Variants in CACNA1C observed in about 807,000 individuals in gnomAD.
The protein encoded by CACNA1C is calcium voltage-gated channel subunit alpha1 C, also known as voltage-dependent L-type calcium channel subunit alpha-1C.
Under a neutral mutation model 229.0 loss-of-function variants are expected in CACNA1C, and 30 were observed. That is an observed-to-expected ratio of 0.13 (90% CI 0.10 to 0.18). The LOEUF (loss-of-function observed/expected upper bound fraction) is 0.18, where lower values mean the gene tolerates loss of function less well. Ranked by LOEUF, CACNA1C falls within the 10% of genes least tolerant of loss-of-function variation. The pLI is 1.00. For missense variants in CACNA1C, 1,658 were observed against 2,845.0 expected (o/e 0.58, Z 9.49); for synonymous variants, 1,114 against 1,132.5 (o/e 0.98, Z 0.33).
intron 7 of CACNA1C, among the ~76,000 whole-genome samples, chr12:2,501,676 C>T (rs1372392419): frequency 6.6e-6 from 1 of 152,240 alleles, no homozygotes; most frequent in East Asian, 1.9e-4. Flanking sequence ...TCACCAATCC[C>T]ACCCATCCTG....
At position 2,403,356 on chromosome 12, in the gene CACNA1C, G is replaced by A. The variant is rs913131696; in HGVS notation, c.478-45620G>A. 1.3e-5 allele frequency among the ~76,000 whole-genome samples: 2 copies of A among 152,076 alleles called. No homozygotes were observed. The highest frequency in any genetic ancestry group is 2.9e-5 in the Non-Finnish European group (2 of 68,012). ...GACTTCCCCTCTTGTGTCAAGGTGC[G>A]CTGCAGAGGGATGGCGTTGGAGGCA... On this transcript the variant is annotated intron_variant, in intron 3 of 46. Transcript: ENST00000399655. This position sits in a 1 kb window ranked among gnomAD's most constrained non-coding sequence, Gnocchi z 4.1.
intron 3 of CACNA1C, among the ~76,000 whole-genome samples, chr12:2,302,432 G>A (rs751460644): frequency 2.0e-4 from 30 of 151,974 alleles, no homozygotes; most frequent in Non-Finnish European, 4.0e-4. Context: ...CAGCCGTAGC[G>A]TCAGTCCCTT....
Position 2,254,933 on chromosome 12 carries a change from GAA to G in CACNA1C, c.477+134504_477+134505del, listed in dbSNP as rs1382913540. On this transcript the variant is annotated intron_variant, in intron 3 of 46. Coordinates refer to ENST00000399655, the MANE Select transcript of CACNA1C (RefSeq NM_000719.7). ...GATTCATCCCGAAGGTCTTTTAAGT[GAA>G]GAGAGGCAAAGCTTAGCTTAGTATT... is the stretch of plus-strand genomic sequence containing the variant. Among the ~76,000 whole-genome samples the G allele has an allele frequency of 2.0e-5, 3 of 152,308 alleles. No individual in the cohort carries two copies. In the East Asian group the frequency reaches 5.8e-4, roughly 29 times the overall value.
chr12:2,061,207 A>G (rs1805784431), intron 1 of CACNA1C, among the ~76,000 whole-genome samples: 1 of 151,956 alleles, frequency 6.6e-6, no homozygotes, highest in African/African-American at 2.4e-5. Context: ...TGAGGATCCA[A>G]ATAGGAGAAT....
At chr12:2,558,394 G>A (rs1293664516) in intron 11 of CACNA1C, among the ~76,000 whole-genome samples, 1 of 152,176 alleles carries the variant, frequency 6.6e-6, no homozygotes, top group African/African-American at 2.4e-5. Context: ...CCCTCTACTT[G>A]CCTCCGGCCT....
intron 30 of CACNA1C, among the ~76,000 whole-genome samples, chr12:2,643,198 C>G (rs1166505322): frequency 6.6e-6 from 1 of 152,264 alleles, no homozygotes; most frequent in Non-Finnish European, 1.5e-5. Context: ...GGGCCCTCTC[C>G]TTCTAGCTGG....
In CACNA1C at chr12:2,467,659, G is replaced by A. The variant is rs2099566793; in HGVS notation, c.757+9953G>A. The stretch of plus-strand genomic sequence containing the variant: ...AGAAACAGAATTTAGAACAGGGTGG[G>A]TCCCACGCCCAGCCCCGCCCTGCCC... On this transcript the variant is annotated intron_variant, in intron 5 of 46. Coordinates refer to ENST00000399655, the MANE Select transcript of CACNA1C (RefSeq NM_000719.7). This position sits in a 1 kb window ranked among gnomAD's most constrained non-coding sequence, Gnocchi z 4.6. 1.3e-5 allele frequency among the ~76,000 whole-genome samples: 2 copies of A among 152,152 alleles called. No homozygotes were observed. Among genetic ancestry groups the A allele is most frequent in the African/African-American group, 4.8e-5 (2 of 41,440 alleles).
intron 3 of CACNA1C, among the ~76,000 whole-genome samples, chr12:2,389,259 G>A (rs73244799): frequency 1.1e-3 from 161 of 152,210 alleles, no homozygotes; most frequent in African/African-American, 3.5e-3. Context: ...ATTCCGAGAT[G>A]TGTTGATCAC....
chr12:2,219,446 C>T (rs2060858553), intron 3 of CACNA1C, among the ~76,000 whole-genome samples: 1 of 152,172 alleles, frequency 6.6e-6, no homozygotes, highest in South Asian at 2.1e-4. Flanking sequence ...CCTGGAAATG[C>T]TCTTTTCTTA....
intron 29 of CACNA1C, among the ~76,000 whole-genome samples, chr12:2,616,195 C>A (rs938486485): frequency 2.0e-5 from 3 of 152,160 alleles, no homozygotes; most frequent in Admixed American, 2.0e-4. Context: ...GCCCCTCTGA[C>A]CCCCTGCTTT....
At chr12:2,668,822 T>C (rs908395543) in intron 37 of CACNA1C, 111 bp from the exon 38 acceptor site, 2 of 708,844 alleles carry the variant, frequency 2.8e-6, no homozygotes, top group Non-Finnish European at 5.1e-6. Flanking sequence ...CAATTCAACA[T>C]GAGATTTGGG....
intron 1 of CACNA1C, among the ~76,000 whole-genome samples, chr12:2,024,876 G>A (rs2047044372): frequency 6.6e-6 from 1 of 152,182 alleles, no homozygotes; most frequent in African/African-American, 2.4e-5. Flanking sequence ...CAAGGAGCTG[G>A]TGCAGACCCT....
At chr12:2,257,331 T>C (rs549964894) in intron 3 of CACNA1C, among the ~76,000 whole-genome samples, 2 of 152,200 alleles carry the variant, frequency 1.3e-5, no homozygotes, top group African/African-American at 2.4e-5. Context: ...CAGTCTTCTC[T>C]AGCACAGCGG....
chr12:1,995,349 C>G (rs1291614086), intron 1 of CACNA1C, among the ~76,000 whole-genome samples: 1 of 152,238 alleles, frequency 6.6e-6, no homozygotes, highest in East Asian at 1.9e-4. Context: ...GTGCATGGCA[C>G]ATAGTACAGT....
At chr12:1,992,382 C>G (rs967590214) in intron 1 of CACNA1C, 1 of 153,736 alleles carries the variant, frequency 6.5e-6, no homozygotes, top group Non-Finnish European at 1.4e-5. Context: ...TAAAATTACA[C>G]TGAATAGTAT....
intron 1 of CACNA1C, among the ~76,000 whole-genome samples, chr12:2,092,789 G>A (rs1595636932): frequency 6.6e-6 from 1 of 152,336 alleles, no homozygotes; most frequent in Middle Eastern, 3.4e-3. Flanking sequence ...GGATCAAAGA[G>A]GTTAAGTTAA....
chr12:2,427,176 G>A (rs546217813), intron 3 of CACNA1C, among the ~76,000 whole-genome samples: 3 of 152,104 alleles, frequency 2.0e-5, no homozygotes, highest in South Asian at 2.1e-4. Context: ...CCAGTCTGCC[G>A]ACCTGTGCCA....
intron 18 of CACNA1C, among the ~76,000 whole-genome samples, chr12:2,589,731 G>A (rs1461983661): frequency 6.6e-6 from 1 of 152,114 alleles, no homozygotes; most frequent in African/African-American, 2.4e-5. Flanking sequence ...AGTGGTGTTC[G>A]AGAGCAGAAT....
chr12:2,116,408 G>A (rs2083885480), intron 2 of CACNA1C, among the ~76,000 whole-genome samples: 1 of 146,492 alleles, frequency 6.8e-6, no homozygotes, highest in Non-Finnish European at 1.5e-5. Context: ...GTCTCGCTCT[G>A]TCACCCAGGC....
Sources: allele counts gnomAD v4.1 joint callset (sites outside exome capture counted in the v4.1 genomes callset), GRCh38; gene constraint gnomAD v4.1.1; non-coding constraint Gnocchi (gnomAD v3.1); transcripts MANE v1.5; gene names NCBI Gene and HGNC (gene_info 2026-07-23, HGNC 2026-07-21).